Variants in FCHO2 observed in about 807,000 individuals in gnomAD.
The protein encoded by FCHO2 is F-BAR domain only protein 2.
FCHO2 carries 43 observed loss-of-function variants against 114.1 expected under a neutral mutation model. The ratio of observed to expected loss-of-function variants is 0.38; its 90% CI spans 0.30 to 0.49. FCHO2 has a LOEUF of 0.49. FCHO2 is among the 20% of genes least tolerant of loss of function. The probability of loss-of-function intolerance (pLI) is 0.97; values close to 1 mark genes in which losing one functional copy is unlikely to be tolerated. For synonymous variants in FCHO2, 293 were observed against 315.2 expected (o/e 0.93, Z 0.75); for missense variants, 807 against 950.4 (o/e 0.85, Z 1.98).
At chr5:73,011,394 A>G (rs1755004284) in intron 6 of FCHO2, among the ~76,000 whole-genome samples, 1 of 152,232 alleles carries the variant, frequency 6.6e-6, no homozygotes, top group Admixed American at 6.5e-5. Flanking sequence ...AACACATTGT[A>G]CAGTTGTACA....
chr5:72,961,026 T>C (rs978417278), intron 1 of FCHO2, among the ~76,000 whole-genome samples: 1 of 152,150 alleles, frequency 6.6e-6, no homozygotes, highest in Non-Finnish European at 1.5e-5. Context: ...CTTTTACTGA[T>C]TAACTGTACA....
chr5:73,042,614 A>G (rs577367819), intron 11 of FCHO2, among the ~76,000 whole-genome samples: 15 of 152,286 alleles, frequency 9.8e-5, no homozygotes, highest in African/African-American at 3.6e-4. Flanking sequence ...ACTGTGTAGA[A>G]ATGAAAAATA....
chr5:73,027,497 T>C (rs2112777157), intron 8 of FCHO2, among the ~76,000 whole-genome samples: 1 of 152,118 alleles, frequency 6.6e-6, no homozygotes, highest in East Asian at 1.9e-4. Flanking sequence ...TAATCCAAGG[T>C]CACAAAGATT....
chr5:72,979,366 A>G (rs1753054979), intron 2 of FCHO2, among the ~76,000 whole-genome samples: 1 of 109,834 alleles, frequency 9.1e-6, no homozygotes, highest in African/African-American at 3.3e-5. Flanking sequence ...GTGTCCAGGA[A>G]TTTATCAATT....
intron 2 of FCHO2, among the ~76,000 whole-genome samples, chr5:72,986,919 GC>G (rs953043347): frequency 7.2e-6 from 1 of 139,546 alleles, no homozygotes; most frequent in Non-Finnish European, 1.5e-5. Flanking sequence ...TCACTCTGTC[GC>G]CCAGCTGGAG....
chr5:72,989,810 CT>C (rs1753728671), intron 3 of FCHO2, among the ~76,000 whole-genome samples: 1 of 151,982 alleles, frequency 6.6e-6, no homozygotes, highest in African/African-American at 2.4e-5. Context: ...CTGTAAGTTC[CT>C]ATTTAAATTC....
intron 8 of FCHO2, among the ~76,000 whole-genome samples, chr5:73,022,075 C>T (rs940068434): frequency 6.6e-6 from 1 of 152,088 alleles, no homozygotes; most frequent in Non-Finnish European, 1.5e-5. Flanking sequence ...GATCCTGGAT[C>T]ACAAATCAAG....
intron 9 of FCHO2, 82 bp downstream of exon 9, chr5:73,034,783 G>C: frequency 1.7e-6 from 2 of 1,155,818 alleles, no homozygotes; most frequent in Non-Finnish European, 2.4e-6. Flanking sequence ...AGGAGGGACT[G>C]CTATCCCTAG....
chr5:72,964,353 A>T (rs947791794), intron 1 of FCHO2, among the ~76,000 whole-genome samples: 2 of 152,162 alleles, frequency 1.3e-5, no homozygotes, highest in African/African-American at 4.8e-5. Flanking sequence ...ACCTGCATCA[A>T]ATCGTTCTGA....
chr5:72,961,830 A>G (rs2112583461), intron 1 of FCHO2, among the ~76,000 whole-genome samples: 1 of 152,300 alleles, frequency 6.6e-6, no homozygotes, highest in African/African-American at 2.4e-5. Flanking sequence ...ACCTCAGGTG[A>G]TCCGCCTGCC....
At chr5:73,055,068 G>T in intron 15 of FCHO2, 1 of 384,802 alleles carries the variant, frequency 2.6e-6, no homozygotes, top group South Asian at 2.0e-5. Context: ...TTTGTTAACA[G>T]AAGACTTAAC....
chr5:73,052,962 C>T (rs761740452), intron 13 of FCHO2: 1 of 152,642 alleles, frequency 6.6e-6, no homozygotes, highest in Non-Finnish European at 1.5e-5. Context: ...GATAAGAGTT[C>T]TTAGTGGTAA....
chr5:73,018,083 A>C (rs1755403284), intron 8 of FCHO2, among the ~76,000 whole-genome samples: 1 of 152,196 alleles, frequency 6.6e-6, no homozygotes, highest in Non-Finnish European at 1.5e-5. Context: ...AGTGCATTAA[A>C]GAAGTTAAAA....
chr5:73,072,245 A>C (rs184574174), intron 19 of FCHO2, among the ~76,000 whole-genome samples: 6 of 152,186 alleles, frequency 3.9e-5, no homozygotes, highest in African/African-American at 1.4e-4. Flanking sequence ...ATAAAATAGT[A>C]TTACAATAAC....
At chr5:73,057,464 A>G (rs1372004589) in intron 16 of FCHO2, among the ~76,000 whole-genome samples, 1 of 152,082 alleles carries the variant, frequency 6.6e-6, no homozygotes, top group Non-Finnish European at 1.5e-5. Flanking sequence ...GATGCTGGAT[A>G]TGTACTCTTA....
intron 6 of FCHO2, among the ~76,000 whole-genome samples, chr5:73,011,395 C>T (rs530656148): frequency 6.6e-6 from 1 of 152,208 alleles, no homozygotes; most frequent in African/African-American, 2.4e-5. Context: ...ACACATTGTA[C>T]AGTTGTACAA....
At chr5:73,082,724 T>C (rs1275229267) in intron 23 of FCHO2, 37 bp from the exon 24 acceptor site, 4 of 1,553,734 alleles carry the variant, frequency 2.6e-6, no homozygotes, top group Non-Finnish European at 3.5e-6. Flanking sequence ...GGTACTATAC[T>C]AGACACAAAA....
At chr5:73,073,002 A>T (rs1435121058) in intron 19 of FCHO2, among the ~76,000 whole-genome samples, 1 of 152,128 alleles carries the variant, frequency 6.6e-6, no homozygotes, top group East Asian at 1.9e-4. Context: ...TGTTTAGAAC[A>T]ATATATTAGG....
At position 73,016,301 on chromosome 5, in the gene FCHO2, T is replaced by TATTTTAAATTGTTTAAATATTAAAAAAG. The variant is rs1561450563; in HGVS notation, c.699+604_699+605insGATTTTAAATTGTTTAAATATTAAAAAA. Among the ~76,000 whole-genome samples the TATTTTAAATTGTTTAAATATTAAAAAAG allele has an allele frequency of 1.4e-4, 12 of 87,012 alleles. No homozygotes were observed. In the East Asian group the frequency reaches 2.4e-3, roughly 17 times the overall value. The allele number at this position is 87,012 out of a possible 152,430, so 57.1% of individuals were successfully genotyped here. On this transcript the variant is annotated intron_variant, in intron 7 of 25. Coordinates refer to ENST00000430046, the MANE Select transcript of FCHO2 (RefSeq NM_138782.3). Reference sequence around the variant, plus strand: ...TCATCTCTACACAAAATTTAAAAAATATTTTAAATTGTTTAAATATTAAAA... The same window carrying TATTTTAAATTGTTTAAATATTAAAAAAG: ...TCATCTCTACACAAAATTTAAAAAATATTTTAAATTGTTTAAATATTAAAAAAGATTTTAAATTGTTTAAATATTAAAA...
Sources: gnomAD v4.1 joint callset for allele counts (sites outside exome capture counted in the v4.1 genomes callset) on GRCh38, gnomAD v4.1.1 for gene constraint, MANE v1.5 for transcripts, NCBI Gene and HGNC (gene_info 2026-07-23, HGNC 2026-07-21) for gene names.